Variants in ARID4B observed in about 807,000 individuals in gnomAD.
ARID4B encodes the protein AT-rich interaction domain 4B.
A neutral mutation model predicts 147.5 loss-of-function variants in ARID4B; 26 were observed. The ratio of observed to expected loss-of-function variants is 0.18; its 90% CI spans 0.13 to 0.24. The LOEUF (loss-of-function observed/expected upper bound fraction) is 0.24, where lower values mean the gene tolerates loss of function less well. ARID4B is among the 10% of genes least tolerant of loss of function. The pLI is 1.00. For missense variants in ARID4B, 1,179 were observed against 1,511.5 expected (o/e 0.78, Z 3.65); for synonymous variants, 512 against 507.9 (o/e 1.01, Z -0.11).
intron 2 of ARID4B, among the ~76,000 whole-genome samples, chr1:235,276,209 ATTTT>A (rs1179767508): frequency 6.8e-6 from 1 of 146,244 alleles, no homozygotes; most frequent in Admixed American, 6.8e-5. Flanking sequence ...AAAAAAAAAG[ATTTT>A]TTTTTTGAAA....
At chr1:235,177,997 G>A in intron 20 of ARID4B, 84 bp from the exon 21 acceptor site, 1 of 742,968 alleles carries the variant, frequency 1.3e-6, no homozygotes, top group Admixed American at 2.8e-5. Flanking sequence ...TAGAAACATA[G>A]AACAATCCAA....
chr1:235,175,908 G>T (rs1410851903), intron 21 of ARID4B, among the ~76,000 whole-genome samples: 1 of 152,118 alleles, frequency 6.6e-6, no homozygotes, highest in African/African-American at 2.4e-5. Flanking sequence ...TAACTCCTAT[G>T]CTGTGGGTTG....
chr1:235,233,608 C>T (rs1475425390), intron 9 of ARID4B, among the ~76,000 whole-genome samples: 1 of 151,978 alleles, frequency 6.6e-6, no homozygotes, highest in Admixed American at 6.6e-5. Flanking sequence ...GAAAAATTAA[C>T]AAATCATTTT....
chr1:235,224,284 C>T (rs1667686535), intron 12 of ARID4B, among the ~76,000 whole-genome samples: 1 of 152,156 alleles, frequency 6.6e-6, no homozygotes, highest in African/African-American at 2.4e-5. Flanking sequence ...TAGTTCATTA[C>T]CCTAAGTTAT....
intron 2 of ARID4B, among the ~76,000 whole-genome samples, chr1:235,277,846 C>G (rs1451744188): frequency 2.0e-5 from 3 of 152,006 alleles, no homozygotes; most frequent in Non-Finnish European, 4.4e-5. Flanking sequence ...TGTAAGGAAA[C>G]ATATTTAAGT....
chr1:235,290,399 C>T (rs1218338438), intron 2 of ARID4B, among the ~76,000 whole-genome samples: 2 of 149,830 alleles, frequency 1.3e-5, no homozygotes, highest in African/African-American at 4.9e-5. Context: ...GCCAAGATGA[C>T]GCCAACCTGG....
chr1:235,176,415 A>G (rs1571898254), intron 21 of ARID4B, among the ~76,000 whole-genome samples: 1 of 117,218 alleles, frequency 8.5e-6, no homozygotes, highest in East Asian at 3.0e-4. Flanking sequence ...ATATTTACTG[A>G]TTTTTCACTT....
chr1:235,285,072 C>T (rs1051769533), intron 2 of ARID4B, among the ~76,000 whole-genome samples: 17 of 152,150 alleles, frequency 1.1e-4, no homozygotes, highest in African/African-American at 3.9e-4. Context: ...GACCACCAAA[C>T]CCAGCTGACT....
intron 2 of ARID4B, among the ~76,000 whole-genome samples, chr1:235,282,795 A>T (rs144828419): frequency 0.014 from 2,161 of 152,036 alleles, 29 homozygotes; most frequent in African/African-American, 0.038. Flanking sequence ...TTATTTATTT[A>T]TTTTTTTGAG....
chr1:235,284,489 A>G (rs888260604), intron 2 of ARID4B, among the ~76,000 whole-genome samples: 19 of 152,180 alleles, frequency 1.2e-4, no homozygotes, highest in Non-Finnish European at 2.2e-4. Context: ...TTCTATTACA[A>G]GTGATCTTTA....
chr1:235,220,370 T>C lies in ARID4B; in HGVS notation c.1339A>G (p.Ile447Val). The stretch of plus-strand genomic sequence containing the variant: ...ATAGGCTTTTCTTCTCTTGGTATTA[T>C]ATTCCTCTCCTCCTCCATCTTTATT... ...KEIKMEEERN[I>V]IPREEKPIED... Residue 447 changes from isoleucine (I) to valine (V), a missense_variant, in exon 15 of 24, where the codon ATA becomes GTA. This residue lies in a region of ARID4B where 204 missense variants were observed against 210.9 expected (regional missense o/e 0.97). Transcript: ENST00000264183. 1 of 1,610,600 alleles carries C rather than the reference T, an allele frequency of 6.2e-7. No homozygotes were observed. The highest frequency in any genetic ancestry group is 8.5e-7 in the Non-Finnish European group (1 of 1,177,120).
intron 14 of ARID4B, 132 bp from the exon 15 acceptor site, chr1:235,220,677 C>T: frequency 1.3e-6 from 1 of 759,444 alleles, no homozygotes; most frequent in Non-Finnish European, 1.9e-6. Flanking sequence ...CTAATTTATT[C>T]TAGTTCTTTC....
intron 2 of ARID4B, among the ~76,000 whole-genome samples, chr1:235,277,536 CA>C (rs576771466): frequency 5.8e-4 from 51 of 87,284 alleles, no homozygotes; most frequent in South Asian, 1.3e-3. Context: ...GACTCCGTCT[CA>C]AAAAAAAAAA....
intron 8 of ARID4B, 78 bp downstream of exon 8, chr1:235,240,235 A>T: frequency 7.6e-7 from 1 of 1,317,156 alleles, no homozygotes; most frequent in Non-Finnish European, 1.0e-6. Flanking sequence ...TACCTATGAA[A>T]AACATTAGTA....
chr1:235,273,183 G>A (rs143560908), intron 2 of ARID4B, among the ~76,000 whole-genome samples: 77 of 152,124 alleles, frequency 5.1e-4, no homozygotes, highest in African/African-American at 1.5e-3. Flanking sequence ...GACTACAGGC[G>A]TGCACCACCC....
chr1:235,311,234 T>A (rs1674026104), intron 2 of ARID4B, among the ~76,000 whole-genome samples: 1 of 151,796 alleles, frequency 6.6e-6, no homozygotes, highest in African/African-American at 2.4e-5. Context: ...ACACCTGTAG[T>A]CCCAACTACT....
At chr1:235,199,694 AATAAC>A (rs751516699) in intron 17 of ARID4B, among the ~76,000 whole-genome samples, 1 of 152,178 alleles carries the variant, frequency 6.6e-6, no homozygotes, top group Non-Finnish European at 1.5e-5. Context: ...AAAAGGAGAA[AATAAC>A]ATGTGAGAAT....
At chr1:235,326,613 C>T (rs1021076825) in intron 2 of ARID4B, among the ~76,000 whole-genome samples, 1 of 152,182 alleles carries the variant, frequency 6.6e-6, no homozygotes, top group Non-Finnish European at 1.5e-5. Context: ...GATTACCTGA[C>T]TTGCTTTTTA....
intron 2 of ARID4B, among the ~76,000 whole-genome samples, chr1:235,319,903 T>G (rs937842338): frequency 1.3e-5 from 2 of 150,354 alleles, no homozygotes; most frequent in African/African-American, 4.9e-5. Context: ...CCGAGGCAGG[T>G]GGATAACAAG....
Sources: gnomAD v4.1 joint callset for allele counts (sites outside exome capture counted in the v4.1 genomes callset) on GRCh38, gnomAD v4.1.1 for gene constraint, gnomAD v4.1.1 regional missense constraint, MANE v1.5 for transcripts, NCBI Gene and HGNC (gene_info 2026-07-23, HGNC 2026-07-21) for gene names.